EPB41: variants seen among roughly 807,000 people sequenced by gnomAD.
EPB41 encodes protein 4.1.
In EPB41, 65 loss-of-function variants were observed where a neutral mutation model predicts 108.0. The ratio of observed to expected loss-of-function variants is 0.60; its 90% CI spans 0.49 to 0.74. The LOEUF (loss-of-function observed/expected upper bound fraction) is 0.74, where lower values mean the gene tolerates loss of function less well. Ranked by LOEUF, EPB41 falls within the 30% of genes least tolerant of loss-of-function variation. The pLI is 0.00. For missense variants in EPB41, 875 were observed against 1,037.0 expected (o/e 0.84, Z 2.15); for synonymous variants, 336 against 358.9 (o/e 0.94, Z 0.72).
At chr1:29,062,325 A>G (rs1375519944) in intron 15 of EPB41, among the ~76,000 whole-genome samples, 7 of 152,124 alleles carry the variant, frequency 4.6e-5, no homozygotes, top group African/African-American at 1.4e-4. Flanking sequence ...AGTACCAATC[A>G]TATATTTGTC....
At chr1:29,085,815 G>A (rs1028368119) in intron 16 of EPB41, among the ~76,000 whole-genome samples, 1 of 152,268 alleles carries the variant, frequency 6.6e-6, no homozygotes, top group East Asian at 1.9e-4. Flanking sequence ...TCCTCCCAAA[G>A]TGCTGGGATT....
At chr1:28,934,984 G>A (rs193008833) in intron 1 of EPB41, among the ~76,000 whole-genome samples, 2 of 151,828 alleles carry the variant, frequency 1.3e-5, no homozygotes, top group African/African-American at 4.8e-5. Context: ...GGGTGGTGGC[G>A]CATCCTTGTG....
chr1:28,911,706 C>G (rs1238074175), upstream of EPB41, among the ~76,000 whole-genome samples: 1 of 152,174 alleles, frequency 6.6e-6, no homozygotes, highest in East Asian at 1.9e-4. Flanking sequence ...GAATAAAAAG[C>G]ACAGCTGAAC....
intron 1 of EPB41, among the ~76,000 whole-genome samples, chr1:28,972,462 AGTTT>A (rs887614199): frequency 6.6e-6 from 1 of 152,280 alleles, no homozygotes; most frequent in East Asian, 1.9e-4. Context: ...GATGAGTAAG[AGTTT>A]GTTTATTTAA....
At chr1:28,922,418 A>G (rs1302873726) in intron 1 of EPB41, among the ~76,000 whole-genome samples, 1 of 151,950 alleles carries the variant, frequency 6.6e-6, no homozygotes, top group Non-Finnish European at 1.5e-5. Flanking sequence ...TTTTAAAGAT[A>G]TCTTCTTCTC....
At chr1:28,981,397 T>C (rs1557898503) in intron 1 of EPB41, among the ~76,000 whole-genome samples, 1 of 152,212 alleles carries the variant, frequency 6.6e-6, no homozygotes, top group Non-Finnish European at 1.5e-5. Flanking sequence ...ATGTATTCTC[T>C]GAGGAGAGCC....
At chr1:28,967,213 T>TTTCA (rs2095380257) in intron 1 of EPB41, among the ~76,000 whole-genome samples, 1 of 151,962 alleles carries the variant, frequency 6.6e-6, no homozygotes, top group African/African-American at 2.4e-5. Flanking sequence ...AGAGACGGGG[T>TTTCA]TTCACCATGT....
chr1:29,007,537 A>G (rs1245281940), intron 4 of EPB41, among the ~76,000 whole-genome samples: 2 of 152,186 alleles, frequency 1.3e-5, no homozygotes, highest in Non-Finnish European at 2.9e-5. Context: ...CCATGTCCTC[A>G]TCTGCACTTG....
chr1:29,015,745 C>A lies in EPB41; in HGVS notation c.883C>A (p.Gln295Lys). 1 of 1,605,084 alleles carries A rather than the reference C, an allele frequency of 6.2e-7. No individual in the cohort carries two copies. ...AAAGTTTTATCCACCTGACCCAGCACAGTTAACAGAAGACATAACAAGGTA... is the reference window on the plus strand; with the variant it reads ...AAAGTTTTATCCACCTGACCCAGCAAAGTTAACAGAAGACATAACAAGGTA... Reference protein sequence around the residue: ...NVKFYPPDPAQLTEDITRYYL... With the variant: ...NVKFYPPDPAKLTEDITRYYL... Residue 295 changes from glutamine to lysine, a missense_variant, in exon 6 of 21, where the codon CAG becomes AAG. Physicochemically the swap from Gln to Lys is moderately conservative, Grantham distance 53 (BLOSUM62 1). Around this residue, in one of 3 missense-constraint regions of EPB41, gnomAD observed 353 missense variants for 393.2 expected, o/e 0.90. Transcript: ENST00000343067.
At chr1:28,986,942 C>T (rs896684246) in intron 1 of EPB41, among the ~76,000 whole-genome samples, 8 of 152,164 alleles carry the variant, frequency 5.3e-5, no homozygotes, top group Admixed American at 3.9e-4. Context: ...GAAGTCTCTG[C>T]ATCCTAAGAA....
At chr1:29,054,871 T>C (rs1258203765) in intron 12 of EPB41, among the ~76,000 whole-genome samples, 1 of 151,846 alleles carries the variant, frequency 6.6e-6, no homozygotes, top group Admixed American at 6.6e-5. Context: ...AGCCCCGTCT[T>C]TACTAAAAAT....
At chr1:29,022,388 A>AG (rs2096657762) in intron 7 of EPB41, among the ~76,000 whole-genome samples, 1 of 151,534 alleles carries the variant, frequency 6.6e-6, no homozygotes, top group African/African-American at 2.4e-5. Context: ...AAAAAAAAAA[A>AG]AAAGAAACTG....
At position 29,067,919 on chromosome 1, in the gene EPB41, A is replaced by G. The variant is rs541795749; in HGVS notation, c.2184+2761A>G. ...TTTGTGTTCTAAATCTAGAGCATGTATCCTGAACTGAGACAATAACTCTGC... is the reference window on the plus strand; with the variant it reads ...TTTGTGTTCTAAATCTAGAGCATGTGTCCTGAACTGAGACAATAACTCTGC... On this transcript the variant is annotated intron_variant, in intron 16 of 20. Transcript: ENST00000343067. Among the ~76,000 whole-genome samples the G allele has an allele frequency of 7.9e-5, 12 of 152,312 alleles. No individual in the cohort carries two copies. In the East Asian group the frequency reaches 2.3e-3, roughly 29 times the overall value.
intron 1 of EPB41, among the ~76,000 whole-genome samples, chr1:28,935,579 C>T (rs1198972349): frequency 6.6e-6 from 1 of 151,010 alleles, no homozygotes; most frequent in Non-Finnish European, 1.5e-5. Context: ...TTGCCATACT[C>T]ATCTTCTTCA....
chr1:28,977,985 C>T (rs1469382812), intron 1 of EPB41, among the ~76,000 whole-genome samples: 1 of 150,460 alleles, frequency 6.6e-6, no homozygotes, highest in East Asian at 1.9e-4. Flanking sequence ...TAGATGCAAA[C>T]TCTCCTTAAT....
chr1:28,890,796 G>T, intron 1 of EPB41: 2 of 466,366 alleles, frequency 4.3e-6, no homozygotes, highest in Non-Finnish European at 2.8e-6. Context: ...CTGGGAAGTG[G>T]CCGAGCTGGG....
chr1:29,103,468 C>CT (rs1214045616), intron 17 of EPB41, among the ~76,000 whole-genome samples: 1 of 152,126 alleles, frequency 6.6e-6, no homozygotes, highest in Non-Finnish European at 1.5e-5. Context: ...AGTCCCTTAT[C>CT]TTTTTGAGCC....
chr1:28,971,417 C>T (rs2095494814), intron 1 of EPB41, among the ~76,000 whole-genome samples: 1 of 151,700 alleles, frequency 6.6e-6, no homozygotes, highest in Admixed American at 6.6e-5. Flanking sequence ...CTCCTGACCT[C>T]AAGTGATCCA....
At chr1:29,087,643 G>A (rs948190044) in intron 16 of EPB41, among the ~76,000 whole-genome samples, 1 of 152,120 alleles carries the variant, frequency 6.6e-6, no homozygotes, top group Admixed American at 6.5e-5. Flanking sequence ...TTGTAGGCGT[G>A]AGCCACTGCG....
Sources: allele counts gnomAD v4.1 joint callset (sites outside exome capture counted in the v4.1 genomes callset), GRCh38; gene constraint gnomAD v4.1.1; regional missense constraint gnomAD v4.1.1; transcripts MANE v1.5; gene names NCBI Gene and HGNC (gene_info 2026-07-23, HGNC 2026-07-21).